The following GALNTL6 variants were observed in gnomAD, a reference collection of about 807,000 sequenced individuals.
GALNTL6 encodes polypeptide N-acetylgalactosaminyltransferase like 6, also known as polypeptide N-acetylgalactosaminyltransferase-like 6.
In GALNTL6, 46 loss-of-function variants were observed where a neutral mutation model predicts 73.7. The ratio of observed to expected loss-of-function variants is 0.62; its 90% CI spans 0.49 to 0.80. The LOEUF (loss-of-function observed/expected upper bound fraction) is 0.80. Ranked by LOEUF, GALNTL6 falls within the 30% of genes least tolerant of loss-of-function variation. The pLI is 0.00. For missense variants in GALNTL6, 604 were observed against 755.0 expected, an observed-to-expected ratio of 0.80 and a Z score of 2.34; for synonymous variants, 259 against 263.7, an observed-to-expected ratio of 0.98 and a Z score of 0.17.
chr4:172,237,243 A>T (rs1737274180), intron 3 of GALNTL6, among the ~76,000 whole-genome samples: 2 of 152,182 alleles, frequency 1.3e-5, no homozygotes, highest in Admixed American at 6.5e-5. Flanking sequence ...ATAATGCATT[A>T]CTGGGTTGAA....
rs1363544210 is a variant in GALNTL6, at chr4:172,504,175, A to AAAAAAC, written c.553+155490_553+155491insACAAAA. ...ACTCTGTCTCAAAAAAAAAAAAAAA[A>AAAAAAC]AAAACTCACACCTTGTTGATATTGG... is the stretch of plus-strand genomic sequence containing the variant. On this transcript the variant is annotated intron_variant, in intron 5 of 12. Coordinates refer to ENST00000506823, the MANE Select transcript of GALNTL6 (RefSeq NM_001034845.3). Among the ~76,000 whole-genome samples the AAAAAAC allele has an allele frequency of 2.8e-4, 11 of 39,280 alleles. 3 individuals are homozygous for AAAAAAC. Among genetic ancestry groups the AAAAAAC allele is most frequent in the African/African-American group, 8.5e-4 (11 of 12,964 alleles). 25.8% of individuals were successfully genotyped at this position (39,280 alleles called of 152,430 possible). A position where few individuals can be genotyped will look rare whatever the true frequency, so the allele number is the denominator to read the frequency against.
At chr4:171,938,153 AG>A in intron 2 of GALNTL6, among the ~76,000 whole-genome samples, 1 of 152,094 alleles carries the variant, frequency 6.6e-6, no homozygotes, top group South Asian at 2.1e-4. Context: ...TAACTTGTAA[AG>A]GTTCATGCTG....
At chr4:172,387,846 G>GT (rs1212892896) in intron 5 of GALNTL6, among the ~76,000 whole-genome samples, 1 of 151,922 alleles carries the variant, frequency 6.6e-6, no homozygotes, top group East Asian at 1.9e-4. Flanking sequence ...TCCTGCCTCT[G>GT]TTTTTTTGCT....
intron 5 of GALNTL6, among the ~76,000 whole-genome samples, chr4:172,793,978 T>TA (rs1162770272): frequency 1.3e-5 from 2 of 152,140 alleles, no homozygotes; most frequent in Non-Finnish European, 2.9e-5. Flanking sequence ...TATTGCTTGG[T>TA]AAAAAAATTT....
chr4:172,082,699 C>T (rs1731914675), intron 2 of GALNTL6, among the ~76,000 whole-genome samples: 1 of 152,200 alleles, frequency 6.6e-6, no homozygotes, highest in African/African-American at 2.4e-5. Context: ...TAGGAGAACA[C>T]AGAAAATATT....
chr4:172,805,869 G>A (rs1386818231), intron 5 of GALNTL6, among the ~76,000 whole-genome samples: 2 of 152,034 alleles, frequency 1.3e-5, no homozygotes, highest in Admixed American at 6.6e-5. Context: ...TAGATGGGGC[G>A]CAACTGACCA....
chr4:172,046,866 C>T (rs191301483), intron 2 of GALNTL6, among the ~76,000 whole-genome samples: 24 of 152,132 alleles, frequency 1.6e-4, no homozygotes, highest in African/African-American at 5.5e-4. Context: ...AGAAGCTTTT[C>T]GGTTTGATGT....
intron 2 of GALNTL6, among the ~76,000 whole-genome samples, chr4:172,123,053 C>A (rs1733195877): frequency 6.6e-6 from 1 of 152,140 alleles, no homozygotes; most frequent in Admixed American, 6.5e-5. Context: ...AAAATCTTTC[C>A]AGGCTTGGAA....
intron 2 of GALNTL6, among the ~76,000 whole-genome samples, chr4:172,052,828 G>A (rs541238526): frequency 6.6e-6 from 1 of 151,990 alleles, no homozygotes; most frequent in Non-Finnish European, 1.5e-5. Flanking sequence ...GTCTCTACTA[G>A]CATAAACATA....
chr4:172,531,619 C>A (rs187735829), intron 5 of GALNTL6, among the ~76,000 whole-genome samples: 416 of 152,312 alleles, frequency 2.7e-3, no homozygotes, highest in Admixed American at 4.3e-3. Context: ...CTCTTAATAC[C>A]TGCATCTGGA....
At chr4:172,524,525 C>T (rs998891598) in intron 5 of GALNTL6, among the ~76,000 whole-genome samples, 1 of 152,112 alleles carries the variant, frequency 6.6e-6, no homozygotes, top group African/African-American at 2.4e-5. Flanking sequence ...ATGAATACAA[C>T]GCAACTTAGT....
chr4:171,920,044 T>C (rs1044665489), intron 2 of GALNTL6, among the ~76,000 whole-genome samples: 2 of 152,142 alleles, frequency 1.3e-5, no homozygotes, highest in Admixed American at 1.3e-4. Flanking sequence ...TAAGAAAATG[T>C]GGCACATATA....
chr4:172,642,678 A>G (rs1353762938), intron 5 of GALNTL6, among the ~76,000 whole-genome samples: 5 of 151,974 alleles, frequency 3.3e-5, no homozygotes, highest in Admixed American at 6.6e-5. Context: ...ACAATGTATT[A>G]TATATTTGAA....
chr4:171,907,028 A>G (rs1455780738), intron 2 of GALNTL6, among the ~76,000 whole-genome samples: 3 of 152,122 alleles, frequency 2.0e-5, no homozygotes, highest in African/African-American at 7.2e-5. Context: ...ACAAACCCAC[A>G]GCCAATATCA....
intron 5 of GALNTL6, among the ~76,000 whole-genome samples, chr4:172,461,665 AAG>A (rs1316688261): frequency 6.6e-6 from 1 of 152,216 alleles, no homozygotes; most frequent in Non-Finnish European, 1.5e-5. Flanking sequence ...TAAATTGTAA[AAG>A]AGAATAAATG....
At chr4:172,377,818 T>G (rs1286316612) in intron 5 of GALNTL6, among the ~76,000 whole-genome samples, 1 of 152,084 alleles carries the variant, frequency 6.6e-6, no homozygotes, top group African/African-American at 2.4e-5. Flanking sequence ...CTGCACAGGC[T>G]GGCCGCTCTG....
intron 5 of GALNTL6, among the ~76,000 whole-genome samples, chr4:172,574,040 C>A (rs893227489): frequency 6.6e-6 from 1 of 152,064 alleles, no homozygotes; most frequent in Non-Finnish European, 1.5e-5. Flanking sequence ...CAACCCTAAC[C>A]GCAACTGGCT....
chr4:171,900,002 G>T (rs1474967962), intron 2 of GALNTL6, among the ~76,000 whole-genome samples: 1 of 151,898 alleles, frequency 6.6e-6, no homozygotes, highest in East Asian at 1.9e-4. Flanking sequence ...TTTATTCTTT[G>T]ACTTCTATTC....
chr4:172,637,653 A>T (rs990787257), intron 5 of GALNTL6, among the ~76,000 whole-genome samples: 1 of 152,320 alleles, frequency 6.6e-6, no homozygotes, highest in South Asian at 2.1e-4. Flanking sequence ...GTGAAACAAT[A>T]AAATCATTTA....
Sources: allele counts gnomAD v4.1 joint callset (sites outside exome capture counted in the v4.1 genomes callset), GRCh38; gene constraint gnomAD v4.1.1; transcripts MANE v1.5; gene names NCBI Gene and HGNC (gene_info 2026-07-23, HGNC 2026-07-21).